The following MTARC1 variants were observed in gnomAD, a reference collection of about 807,000 sequenced individuals.
MTARC1 encodes mitochondrial amidoxime reducing component 1, also known as mitochondrial amidoxime-reducing component 1.
A neutral mutation model predicts 33.6 loss-of-function variants in MTARC1; 24 were observed. The observed-to-expected ratio is 0.72, with a 90% CI of 0.52 to 1.01. MTARC1 has a LOEUF of 1.01. Among genes scored for constraint, MTARC1 ranks in the 50% least tolerant of loss-of-function variants. The probability of loss-of-function intolerance (pLI) is 0.00; values close to 1 mark genes in which losing one functional copy is unlikely to be tolerated. For synonymous variants in MTARC1, 187 were observed against 189.5 expected, an observed-to-expected ratio of 0.99 and a Z score of 0.11; for missense variants, 417 against 445.7, an observed-to-expected ratio of 0.94 and a Z score of 0.58.
rs1290605426 is a variant in MTARC1, at chr1:220,787,010, G to T, written c.66G>T (p.Trp22Cys). 2.1e-5 allele frequency: 28 copies of T among 1,308,082 alleles called. No individual in the cohort carries two copies. The highest frequency in any genetic ancestry group is 2.6e-5 in the Non-Finnish European group (27 of 1,036,422). The allele number at this position is 1,308,082 out of a possible 1,614,324, so 81.0% of individuals were successfully genotyped here. The change falls in exon 1 of 7, where the codon TGG becomes TGT. Residue 22 changes from tryptophan (W) to cysteine (C), a missense_variant. By Grantham distance (215) the Trp-to-Cys change is radical (BLOSUM62 -2). Coordinates refer to ENST00000366910, the MANE Select transcript of MTARC1 (RefSeq NM_022746.4). ...TCCTCGCGCAATCCCGGCCCGGGTGGCTCGGGGTTGCCGCGCTGGGCCTGA... is the reference window on the plus strand; with the variant it reads ...TCCTCGCGCAATCCCGGCCCGGGTGTCTCGGGGTTGCCGCGCTGGGCCTGA... ...FVLLAQSRPG[W>C]LGVAALGLTA... is the part of the protein sequence containing the mutation.
At position 220,791,598 on chromosome 1, in the gene MTARC1, C is replaced by A; in HGVS notation, c.383C>A (p.Ala128Glu). The A allele has an allele frequency of 3.1e-6, 5 of 1,614,182 alleles. No individual in the cohort carries two copies. The highest frequency in any genetic ancestry group is 4.2e-6 in the Non-Finnish European group (5 of 1,180,038). Residue 128 changes from alanine to glutamate, a missense_variant, in exon 2 of 7, where the codon GCA becomes GAA. Coordinates refer to ENST00000366910, the MANE Select transcript of MTARC1 (RefSeq NM_022746.4). ...TCDGDTLTLSAAYTKDLLLPI... is the reference protein window; with the variant it reads ...TCDGDTLTLSEAYTKDLLLPI... ...GATGGTGACACCCTGACTCTCAGTG[C>A]AGCCTACACAAAGGACCTACTACTG...
intron 6 of MTARC1, among the ~76,000 whole-genome samples, chr1:220,807,550 T>C (rs1230335763): frequency 6.6e-6 from 1 of 152,074 alleles, no homozygotes; most frequent in Non-Finnish European, 1.5e-5. Flanking sequence ...GCCACTGCAC[T>C]CCAATTTGGA....
intron 2 of MTARC1, among the ~76,000 whole-genome samples, chr1:220,795,053 A>G (rs553590054): frequency 1.6e-4 from 25 of 152,208 alleles, no homozygotes; most frequent in Admixed American, 7.8e-4. Context: ...TACTCAATAT[A>G]TTTTACAATA....
rs187024819 is a variant in MTARC1, at chr1:220,807,568, G to A, written c.887+2294G>A. On this transcript the variant is annotated intron_variant, in intron 6 of 6. Coordinates refer to ENST00000366910, the MANE Select transcript of MTARC1 (RefSeq NM_022746.4). ...ACTGCACTCCAATTTGGATGACAGAGTGAGACTCTGTCTCACAAAAACAAA... is the reference window on the plus strand; with the variant it reads ...ACTGCACTCCAATTTGGATGACAGAATGAGACTCTGTCTCACAAAAACAAA... Among the ~76,000 whole-genome samples the A allele has an allele frequency of 3.4e-3, 521 of 152,100 alleles. 9 individuals are homozygous for A. Among genetic ancestry groups the A allele is most frequent in the African/African-American group, 0.011 (471 of 41,374 alleles).
At chr1:220,787,761 G>C (rs1409431240) in intron 1 of MTARC1, among the ~76,000 whole-genome samples, 2 of 152,100 alleles carry the variant, frequency 1.3e-5, no homozygotes, top group Non-Finnish European at 2.9e-5. Context: ...AGGCCGAGGC[G>C]GGTGCATTAC....
intron 2 of MTARC1, among the ~76,000 whole-genome samples, chr1:220,794,826 G>A (rs1672552306): frequency 6.6e-6 from 1 of 152,090 alleles, no homozygotes; most frequent in Non-Finnish European, 1.5e-5. Flanking sequence ...TTTAGAATGG[G>A]TGGGGTGACA....
intron 2 of MTARC1, among the ~76,000 whole-genome samples, chr1:220,795,863 C>T (rs1310351181): frequency 6.6e-6 from 1 of 152,074 alleles, no homozygotes; most frequent in Non-Finnish European, 1.5e-5. Flanking sequence ...TGAAATTTCT[C>T]TCTGTGCAAT....
rs1349843075 is a variant in MTARC1, at chr1:220,818,845, A to G, written c.*5427A>G. On this transcript the variant is annotated 3_prime_UTR_variant, in exon 7 of 7. Coordinates refer to ENST00000366910, the MANE Select transcript of MTARC1 (RefSeq NM_022746.4). The stretch of plus-strand genomic sequence containing the variant: ...CTTCCACATGACCTGCCCAGCAATT[A>G]AAGCCGCTTGTTAGTCCGAGGCCCA... 1 of 152,256 alleles carries G rather than the reference A, an allele frequency of 6.6e-6. No homozygotes were observed. The highest frequency in any genetic ancestry group is 1.9e-4 in the East Asian group (1 of 5,198). The allele number at this position is 152,256 out of a possible 1,614,324, so 9.4% of individuals were successfully genotyped here.
Position 220,814,207 on chromosome 1 carries a change from G to C in MTARC1, c.*789G>C, listed in dbSNP as rs765331700. 1 of 152,190 alleles carries C rather than the reference G, an allele frequency of 6.6e-6. No homozygotes were observed. Among genetic ancestry groups the C allele is most frequent in the Non-Finnish European group, 1.5e-5 (1 of 68,046 alleles). 9.4% of individuals were successfully genotyped at this position (152,190 alleles called of 1,614,324 possible). A position where few individuals can be genotyped will look rare whatever the true frequency, so the allele number is the denominator to read the frequency against. On this transcript the variant is annotated 3_prime_UTR_variant, in exon 7 of 7. Coordinates refer to ENST00000366910, the MANE Select transcript of MTARC1 (RefSeq NM_022746.4). ...AGATAGACTACTGAAAACCTTTAAA[G>C]GGGGAAAAGGAAAGCATATGTCAGT...
chr1:220,798,011 A>G lies in MTARC1; in HGVS notation c.750A>G (p.Ala250=), dbSNP rs369606204. The change falls in exon 4 of 7, where the codon GCA becomes GCG. Residue 250 remains alanine, a synonymous_variant. Transcript: ENST00000366910. ...TAATTTCAGGATGCGATGTCTATGC[A>G]GAGGTAACACTATGCCCCTTTGGAT... The part of the protein sequence containing the change: ...NIVISGCDVY[A]EDSWDELLIG... 1 of 1,614,134 alleles carries G rather than the reference A, an allele frequency of 6.2e-7. No homozygotes were observed. The highest frequency in any genetic ancestry group is 8.5e-7 in the Non-Finnish European group (1 of 1,180,048).
chr1:220,798,901 T>C, intron 4 of MTARC1: 1 of 985,442 alleles, frequency 1.0e-6, no homozygotes, highest in African/African-American at 1.7e-5. Context: ...ATTCTTCACT[T>C]TTGCTGTACG....
At chr1:220,790,060 T>G (rs949853361) in intron 1 of MTARC1, among the ~76,000 whole-genome samples, 1 of 152,198 alleles carries the variant, frequency 6.6e-6, no homozygotes, top group African/African-American at 2.4e-5. Context: ...AAATCACATT[T>G]AAAAAATTCC....
chr1:220,794,223 G>A (rs1044580346), intron 2 of MTARC1: 11 of 152,010 alleles, frequency 7.2e-5, no homozygotes, highest in Non-Finnish European at 1.2e-4. Context: ...GAGACTGAGA[G>A]GGTGCCTTGG....
intron 6 of MTARC1, among the ~76,000 whole-genome samples, chr1:220,809,945 T>G (rs1473103661): frequency 6.6e-6 from 1 of 152,174 alleles, no homozygotes; most frequent in Non-Finnish European, 1.5e-5. Flanking sequence ...CGTTGACCAG[T>G]GAATGCGTAA....
rs767641312 is a variant in MTARC1 at position 220,787,180 on chromosome 1, GC to G, written c.237del (p.Cys79Ter). The G allele has an allele frequency of 6.3e-7, 1 of 1,579,844 alleles. No homozygotes were observed. ...CKGVPVSEAE[C>X]TAMGLRSGNL... is the part of the protein sequence containing the mutation. Reference sequence around the variant, plus strand: ...GGGGTGCCGGTGAGCGAGGCGGAGTGCACGGCCATGGGGCTGCGCAGCGGCA... The same window carrying G: ...GGGGTGCCGGTGAGCGAGGCGGAGTGACGGCCATGGGGCTGCGCAGCGGCA... On this transcript the variant is annotated frameshift_variant, in exon 1 of 7. Transcript: ENST00000366910. LOFTEE classifies it high-confidence loss of function.
At chr1:220,806,223 T>C (rs1191367709) in intron 6 of MTARC1, among the ~76,000 whole-genome samples, 1 of 152,138 alleles carries the variant, frequency 6.6e-6, no homozygotes, top group East Asian at 1.9e-4. Context: ...ACTCTGAAAA[T>C]GAACTAAGGG....
intron 2 of MTARC1, among the ~76,000 whole-genome samples, chr1:220,795,347 T>G (rs1225737983): frequency 6.6e-6 from 1 of 152,224 alleles, no homozygotes; most frequent in Non-Finnish European, 1.5e-5. Context: ...GCTAGTCATT[T>G]GTGGAAATGG....
At chr1:220,812,175 G>C (rs537346903) in intron 6 of MTARC1, among the ~76,000 whole-genome samples, 1 of 152,320 alleles carries the variant, frequency 6.6e-6, no homozygotes, top group African/African-American at 2.4e-5. Context: ...GACTTACCGA[G>C]TCAGTACAAT....
At chr1:220,791,006 T>G (rs1453605590) in intron 1 of MTARC1, 1 of 153,942 alleles carries the variant, frequency 6.5e-6, no homozygotes, top group East Asian at 1.9e-4. Context: ...TAAGTGGCAC[T>G]GTGTGTTGCT....
Sources: allele counts gnomAD v4.1 joint callset (sites outside exome capture counted in the v4.1 genomes callset), GRCh38; gene constraint gnomAD v4.1.1; transcripts MANE v1.5; gene names NCBI Gene and HGNC (gene_info 2026-07-23, HGNC 2026-07-21).